ROBO2: variants seen among roughly 807,000 people sequenced by gnomAD.
ROBO2 encodes the protein roundabout guidance receptor 2.
ROBO2 carries 53 observed loss-of-function variants against 160.8 expected under a neutral mutation model. The observed-to-expected ratio is 0.33, with a 90% CI of 0.26 to 0.41. The LOEUF (loss-of-function observed/expected upper bound fraction) is 0.41, where lower values mean the gene tolerates loss of function less well. ROBO2 is among the 10% of genes least tolerant of loss of function. The pLI is 1.00. For missense variants in ROBO2, 1,577 were observed against 1,722.4 expected (o/e 0.92, Z 1.49); for synonymous variants, 664 against 611.7 (o/e 1.09, Z -1.26).
chr3:76,438,975 G>T (rs2076804298), intron 2 of ROBO2, among the ~76,000 whole-genome samples: 1 of 151,118 alleles, frequency 6.6e-6, no homozygotes, highest in African/African-American at 2.4e-5. Context: ...CAGGATTTGG[G>T]TTTTTTTTTA....
At chr3:77,040,370 G>T (rs948043177) in exon 1 of ROBO2, 64 of 1,004,504 alleles carry the variant, frequency 6.4e-5, no homozygotes, top group Non-Finnish European at 7.5e-5. Flanking sequence ...TCGGCAGCGC[G>T]CTGGCAAGTT....
At chr3:76,479,668 A>G (rs1201604541) in intron 2 of ROBO2, among the ~76,000 whole-genome samples, 1 of 152,210 alleles carries the variant, frequency 6.6e-6, no homozygotes, top group Non-Finnish European at 1.5e-5. Flanking sequence ...AAAATTTTGC[A>G]AAATAATTGA....
At chr3:76,939,526 C>T (rs1348218618) in intron 2 of ROBO2, among the ~76,000 whole-genome samples, 1 of 152,078 alleles carries the variant, frequency 6.6e-6, no homozygotes, top group Non-Finnish European at 1.5e-5. Context: ...CGCAGTGGCT[C>T]ACACCTGTAA....
At chr3:77,558,349 A>G (rs2093201487) in intron 9 of ROBO2, among the ~76,000 whole-genome samples, 200 bp downstream of exon 10, 1 of 152,134 alleles carries the variant, frequency 6.6e-6, no homozygotes, top group African/African-American at 2.4e-5. Context: ...TCACACATTC[A>G]TAACAGAATC....
At chr3:76,248,517 G>A (rs1239106364) in intron 2 of ROBO2, among the ~76,000 whole-genome samples, 9 of 151,324 alleles carry the variant, frequency 5.9e-5, no homozygotes, top group Admixed American at 4.6e-4. Flanking sequence ...GGGAGGGATA[G>A]CATTGGGAGA....
intron 2 of ROBO2, among the ~76,000 whole-genome samples, chr3:76,054,674 A>T (rs1487247432): frequency 1.3e-5 from 2 of 152,198 alleles, no homozygotes; most frequent in Non-Finnish European, 2.9e-5. Flanking sequence ...ATATTATTCA[A>T]ATTAAGTCCT....
chr3:76,077,540 G>A (rs2068682990), intron 2 of ROBO2, among the ~76,000 whole-genome samples: 1 of 152,044 alleles, frequency 6.6e-6, no homozygotes, highest in African/African-American at 2.4e-5. Flanking sequence ...TCCAACCTGG[G>A]TGACAAAGCG....
chr3:76,587,073 A>G (rs944073745), intron 2 of ROBO2, among the ~76,000 whole-genome samples: 1 of 152,184 alleles, frequency 6.6e-6, no homozygotes, highest in Non-Finnish European at 1.5e-5. Context: ...ATCTGCCACC[A>G]AACAAGGAAG....
intron 2 of ROBO2, among the ~76,000 whole-genome samples, chr3:77,353,168 G>T (rs529678694): frequency 6.6e-6 from 1 of 152,126 alleles, no homozygotes; most frequent in East Asian, 1.9e-4. Context: ...GTGCTCAAAT[G>T]AATATTGTAA....
intron 2 of ROBO2, among the ~76,000 whole-genome samples, chr3:77,273,729 A>G (rs1051048589): frequency 6.6e-5 from 10 of 152,160 alleles, no homozygotes; most frequent in African/African-American, 2.4e-4. Flanking sequence ...AAACTTTTTG[A>G]AGAGGTAAAA....
intron 2 of ROBO2, among the ~76,000 whole-genome samples, chr3:76,661,907 T>C (rs2091837416): frequency 6.6e-6 from 1 of 152,190 alleles, no homozygotes; most frequent in African/African-American, 2.4e-5. Context: ...TCAAAAAATA[T>C]ATTTTGGTAT....
intron 2 of ROBO2, among the ~76,000 whole-genome samples, chr3:76,218,011 C>T (rs1490149889): frequency 1.4e-4 from 22 of 152,176 alleles, no homozygotes; most frequent in East Asian, 1.4e-3. Flanking sequence ...GTTCAACATA[C>T]GCAAATCAAT....
intron 1 of ROBO2, among the ~76,000 whole-genome samples, chr3:77,089,703 A>G (rs1045316805): frequency 6.6e-6 from 1 of 152,184 alleles, no homozygotes; most frequent in Non-Finnish European, 1.5e-5. Context: ...TTTCAAATGG[A>G]TAAAATGGAC....
At chr3:77,046,263 G>A (rs774204521) in intron 1 of ROBO2, among the ~76,000 whole-genome samples, 12 of 152,286 alleles carry the variant, frequency 7.9e-5, no homozygotes, top group African/African-American at 1.9e-4. Flanking sequence ...AGAAAGAGTC[G>A]AAGGGCCTTA....
At position 77,160,745 on chromosome 3, in the gene ROBO2, G is replaced by A. The variant is rs369756508; in HGVS notation, c.388+62405G>A. 3.9e-5 allele frequency among the ~76,000 whole-genome samples: 6 copies of A among 152,256 alleles called. No individual in the cohort carries two copies. The East Asian group carries it at 1.2e-3, about 29-fold the overall frequency. On this transcript the variant is annotated intron_variant, in intron 2 of 25. Transcript: ENST00000461745. ...TACAGTTTTAGTACCGCTACTTTAA[G>A]ATAGATTCTGAGCATGTAATTACTG...
In ROBO2 at chr3:77,568,444, C is replaced by T; in HGVS notation, c.1971+10C>T. The T allele has an allele frequency of 6.2e-7, 1 of 1,612,528 alleles. No homozygotes were observed. On this transcript the variant is annotated intron_variant, in intron 13 of 25. Transcript: ENST00000461745. ...TCAGGTCACATGGACGGTAAGCTTT[C>T]AAAGGCAATGTTAATAGTAATCTCT...
At chr3:76,463,200 G>A (rs951958991) in intron 2 of ROBO2, among the ~76,000 whole-genome samples, 1 of 152,000 alleles carries the variant, frequency 6.6e-6, no homozygotes, top group African/African-American at 2.4e-5. Flanking sequence ...CTACGATTTA[G>A]GGAGGACACT....
At chr3:76,138,497 T>C (rs1296293105) in intron 2 of ROBO2, among the ~76,000 whole-genome samples, 3 of 152,178 alleles carry the variant, frequency 2.0e-5, no homozygotes, top group South Asian at 4.1e-4. Flanking sequence ...GGGAACTTGA[T>C]GTGTGGAACA....
chr3:77,525,262 G>A (rs1217357188), intron 6 of ROBO2, among the ~76,000 whole-genome samples: 1 of 132,806 alleles, frequency 7.5e-6, no homozygotes, highest in African/African-American at 2.7e-5. Context: ...TTTTCAAGAT[G>A]AAATGTTGCT....
Sources: allele counts gnomAD v4.1 joint callset (sites outside exome capture counted in the v4.1 genomes callset), GRCh38; gene constraint gnomAD v4.1.1; transcripts MANE v1.5; gene names NCBI Gene and HGNC (gene_info 2026-07-23, HGNC 2026-07-21).